The following INTS13 variants were observed in gnomAD, a reference collection of about 807,000 sequenced individuals.
INTS13 encodes integrator complex subunit 13, also known as asunder, spermatogenesis regulator homolog (Drosphila).
Under a neutral mutation model 90.2 loss-of-function variants are expected in INTS13, and 35 were observed. The observed-to-expected ratio is 0.39, with a 90% confidence interval of 0.30 to 0.51. The LOEUF is 0.51. Among genes scored for constraint, INTS13 ranks in the 20% least tolerant of loss-of-function variants. The probability of loss-of-function intolerance (pLI) is 0.80; values close to 1 mark genes in which losing one functional copy is unlikely to be tolerated. For synonymous variants in INTS13, 309 were observed against 277.1 expected, an observed-to-expected ratio of 1.11 and a Z score of -1.14; for missense variants, 601 against 851.2, an observed-to-expected ratio of 0.71 and a Z score of 3.66.
chr12:26,911,309 C>A lies in INTS13; in HGVS notation c.1814G>T (p.Gly605Val), dbSNP rs745315540. Residue 605 changes from glycine to valine, a missense_variant, in exon 15 of 17, where the codon GGA becomes GTA. Physicochemically the swap from Gly to Val is moderately radical, Grantham distance 109 (BLOSUM62 -3). This residue lies in a region of INTS13 where 228 missense variants were observed against 272.5 expected (regional missense o/e 0.84). Coordinates refer to ENST00000261191, the MANE Select transcript of INTS13 (RefSeq NM_018164.3). Reference sequence around the variant, plus strand: ...TTCTTCTTTTCCACGCTCTAAGATTCCTTTTAATCTTTTAGAGGGACAAAT... The same window carrying A: ...TTCTTCTTTTCCACGCTCTAAGATTACTTTTAATCTTTTAGAGGGACAAAT... Reference protein sequence around the residue: ...KSWQDSERLKGILERGKEELA... With the variant: ...KSWQDSERLKVILERGKEELA... 2.5e-6 allele frequency: 4 copies of A among 1,607,514 alleles called. No homozygotes were observed. Among genetic ancestry groups the A allele is most frequent in the Non-Finnish European group, 3.4e-6 (4 of 1,178,112 alleles).
chr12:26,921,891 A>C (rs894490465), intron 8 of INTS13, among the ~76,000 whole-genome samples: 9 of 152,156 alleles, frequency 5.9e-5, no homozygotes, highest in African/African-American at 2.2e-4. Context: ...CCTGACCTCA[A>C]GTGATCTGCC....
chr12:26,920,520 T>A (rs1952082734), intron 8 of INTS13, among the ~76,000 whole-genome samples: 1 of 151,846 alleles, frequency 6.6e-6, no homozygotes, highest in Non-Finnish European at 1.5e-5. Flanking sequence ...TGCCTCAGCA[T>A]CCCGAGTAGC....
In INTS13 at chr12:26,916,002, T is replaced by G. The variant is rs374930017; in HGVS notation, c.1248A>C (p.Thr416=). 6.2e-6 allele frequency: 10 copies of G among 1,607,248 alleles called. No individual in the cohort carries two copies. Among genetic ancestry groups the G allele is most frequent in the Middle Eastern group, 1.7e-4 (1 of 6,054 alleles). ...AAATTTATAGATATTAGAGTCTTAC[T>G]GTAATCCGGTAGTCTGTAACTCTTC... ...CGGRVTDYRI[T]DFGEFMRENR... Residue 416 remains threonine (T), a splice_region_variant and synonymous_variant, in exon 11 of 17, where the codon ACA becomes ACC. Transcript: ENST00000261191.
intron 7 of INTS13, 133 bp downstream of exon 7, chr12:26,924,222 G>A (rs1937739916): frequency 1.2e-6 from 1 of 831,592 alleles, no homozygotes; most frequent in South Asian, 2.0e-5. Flanking sequence ...CAAACTCCTG[G>A]CCTCAAGTGA....
rs1176649444 is a variant in INTS13 at position 26,922,698 on chromosome 12, T to C, written c.807A>G (p.Glu269=). Residue 269 remains glutamate (E), a splice_region_variant and synonymous_variant, in exon 8 of 17, where the codon GAA becomes GAG. Coordinates refer to ENST00000261191, the MANE Select transcript of INTS13 (RefSeq NM_018164.3). ...TGGCAGATGTGTTAGCATGCTGTTC[T>C]TCCTTGAAGTAAAATTTCAAACATT... ...STTITNIPMK[E]EQHANTSANY... 2 of 1,549,906 alleles carry C rather than the reference T, an allele frequency of 1.3e-6. No homozygotes were observed. The highest frequency in any genetic ancestry group is 2.4e-5 in the East Asian group (1 of 42,532).
At chr12:26,928,144 A>G in intron 5 of INTS13, 61 bp downstream of exon 5, 1 of 1,231,480 alleles carries the variant, frequency 8.1e-7, no homozygotes, top group Non-Finnish European at 1.2e-6. Context: ...GTTATTGGAA[A>G]TAATTATAAC....
chr12:26,934,562 TA>T lies in INTS13; in HGVS notation c.293del (p.Leu98TyrfsTer4). 6.2e-7 allele frequency: 1 copy of T among 1,609,964 alleles called. No homozygotes were observed. Among genetic ancestry groups the T allele is most frequent in the Non-Finnish European group, 8.5e-7 (1 of 1,176,272 alleles). Reference protein sequence around the residue: ...LNSWTQEDQNLQELMAALAAV... With the variant: ...LNSWTQEDQNXQELMAALAAV... The stretch of plus-strand genomic sequence containing the variant: ...GCTCAAAATCTAACCATACCTCCTG[TA>T]AATTTTGGTCTTCTTGAGTCCAAGA... On this transcript the variant is annotated frameshift_variant, in exon 3 of 17. Transcript: ENST00000261191. LOFTEE classifies it high-confidence loss of function.
chr12:26,905,434 T>C lies in INTS13; in HGVS notation c.*63A>G. On this transcript the variant is annotated 3_prime_UTR_variant, in exon 17 of 17. Transcript: ENST00000261191. ...CTATACCATCTTGCTGTAAAAGTACTTATATCGAATTCCGCACAAAATATT... is the reference window on the plus strand; with the variant it reads ...CTATACCATCTTGCTGTAAAAGTACCTATATCGAATTCCGCACAAAATATT... 6.8e-7 allele frequency: 1 copy of C among 1,473,634 alleles called. No individual in the cohort carries two copies. 91.3% of individuals were successfully genotyped at this position (1,473,634 alleles called of 1,614,324 possible).
chr12:26,927,873 C>T (rs995468557), intron 5 of INTS13, among the ~76,000 whole-genome samples: 6 of 152,092 alleles, frequency 3.9e-5, no homozygotes, highest in Non-Finnish European at 5.9e-5. Context: ...ACTTCGGCCC[C>T]GCAAAGTGCT....
In INTS13 at chr12:26,922,630, T is replaced by A; in HGVS notation, c.875A>T (p.Asp292Val). ...ATGTCTCTTACCACTTTTCAGGAAA[T>A]CTACATGTGCATCTTTGTGATGAAG... ...ELLHHKDAHV[D>V]FLKSGDSHLG... The change falls in exon 8 of 17, where the codon GAT becomes GTT. Residue 292 changes from aspartate to valine, a missense_variant. By Grantham distance (152) the Asp-to-Val change is radical. Coordinates refer to ENST00000261191, the MANE Select transcript of INTS13 (RefSeq NM_018164.3). The A allele has an allele frequency of 6.3e-7, 1 of 1,580,538 alleles. No individual in the cohort carries two copies. The highest frequency in any genetic ancestry group is 8.6e-7 in the Non-Finnish European group (1 of 1,162,802).
At position 26,922,720 on chromosome 12, in the gene INTS13, C is replaced by T; in HGVS notation, c.805-20G>A. ...TTCTTCCTTGAAGTAAAATTTCAAA[C>T]ATTTTAAAAAACTTGGTTTTGCTTT... is the stretch of plus-strand genomic sequence containing the variant. On this transcript the variant is annotated intron_variant, in intron 7 of 16. Coordinates refer to ENST00000261191, the MANE Select transcript of INTS13 (RefSeq NM_018164.3). The T allele has an allele frequency of 6.7e-7, 1 of 1,502,362 alleles. No homozygotes were observed. The highest frequency in any genetic ancestry group is 1.4e-5 in the African/African-American group (1 of 70,808). The allele number at this position is 1,502,362 out of a possible 1,614,324, so 93.1% of individuals were successfully genotyped here. A position where few individuals can be genotyped will look rare whatever the true frequency, so the allele number is the denominator to read the frequency against.
In INTS13 at chr12:26,916,073, G is replaced by A. The variant is rs761398033; in HGVS notation, c.1177C>T (p.Arg393Ter). 3 of 1,613,718 alleles carry A rather than the reference G, an allele frequency of 1.9e-6. No homozygotes were observed. Among genetic ancestry groups the A allele is most frequent in the East Asian group, 2.2e-5 (1 of 44,834 alleles). Residue 393 changes from arginine to a stop codon, truncating the protein, a stop_gained, in exon 11 of 17, where the codon CGA (arginine) becomes TGA (stop). Transcript: ENST00000261191. LOFTEE classifies it high-confidence loss of function. ...EIFLHVLSSS[R>*]SILEDPPSIS... The stretch of plus-strand genomic sequence containing the variant: ...GAAGGTGGATCTTCTAGAATGGATC[G>A]AGAACTGCTAAGGACGTGCAAAAAA...
intron 10 of INTS13, 62 bp downstream of exon 10, chr12:26,917,287 TTAA>T (rs1377777205): frequency 1.1e-5 from 5 of 472,792 alleles, no homozygotes; most frequent in East Asian, 1.1e-4. Flanking sequence ...AAATAATAAT[TTAA>T]TAATAAATAA....
intron 3 of INTS13, among the ~76,000 whole-genome samples, chr12:26,933,959 G>A (rs1217288384): frequency 3.9e-5 from 6 of 152,162 alleles, no homozygotes; most frequent in African/African-American, 9.7e-5. Flanking sequence ...AATACTTTAC[G>A]TAGATGTTAT....
At chr12:26,926,337 T>G (rs1258254798) in intron 5 of INTS13, among the ~76,000 whole-genome samples, 1 of 152,212 alleles carries the variant, frequency 6.6e-6, no homozygotes, top group African/African-American at 2.4e-5. Context: ...TACTATTCAA[T>G]GAACAACGTA....
At chr12:26,922,181 T>C (rs527514035) in intron 8 of INTS13, among the ~76,000 whole-genome samples, 24 of 152,160 alleles carry the variant, frequency 1.6e-4, no homozygotes, top group Non-Finnish European at 3.5e-4. Flanking sequence ...AGTGCTTGTG[T>C]TTAAGGTCCA....
intron 3 of INTS13, among the ~76,000 whole-genome samples, chr12:26,932,489 C>A (rs1000094243): frequency 2.6e-5 from 4 of 152,208 alleles, no homozygotes; most frequent in African/African-American, 4.8e-5. Context: ...GATACAGAAT[C>A]ACATTCTTTG....
intron 3 of INTS13, among the ~76,000 whole-genome samples, chr12:26,931,815 G>A (rs913162039): frequency 1.3e-5 from 2 of 152,156 alleles, no homozygotes; most frequent in Non-Finnish European, 2.9e-5. Flanking sequence ...GGCTGTGCGT[G>A]GTGGCTCACA....
At chr12:26,912,344 T>C (rs1313939105) in intron 14 of INTS13, among the ~76,000 whole-genome samples, 1 of 152,148 alleles carries the variant, frequency 6.6e-6, no homozygotes, top group South Asian at 2.1e-4. Flanking sequence ...GGCTAAGGCA[T>C]GAGAATCACT....
Sources: allele counts gnomAD v4.1 joint callset (sites outside exome capture counted in the v4.1 genomes callset), GRCh38; gene constraint gnomAD v4.1.1; regional missense constraint gnomAD v4.1.1; transcripts MANE v1.5; gene names NCBI Gene and HGNC (gene_info 2026-07-23, HGNC 2026-07-21).